SEMA5B: variants seen among roughly 807,000 people sequenced by gnomAD.
The protein encoded by SEMA5B is semaphorin 5B.
Under a neutral mutation model 135.0 loss-of-function variants are expected in SEMA5B, and 66 were observed. That is an observed-to-expected ratio of 0.49 (90% CI 0.40 to 0.60). SEMA5B has a LOEUF of 0.60. SEMA5B is among the 20% of genes least tolerant of loss of function. The probability of loss-of-function intolerance (pLI) is 0.00; values close to 1 mark genes in which losing one functional copy is unlikely to be tolerated. For synonymous variants in SEMA5B, 690 were observed against 639.5 expected, an observed-to-expected ratio of 1.08 and a Z score of -1.19; for missense variants, 1,501 against 1,566.3, an observed-to-expected ratio of 0.96 and a Z score of 0.70.
At position 122,977,866 on chromosome 3, in the gene SEMA5B, C is replaced by T. The variant is rs79386403; in HGVS notation, c.-38-16565G>A. Among the ~76,000 whole-genome samples the T allele has an allele frequency of 4.1e-4, 63 of 152,364 alleles. No homozygotes were observed. The East Asian group carries it at 0.012, about 29-fold the overall frequency. On this transcript the variant is annotated intron_variant, in intron 1 of 22. Coordinates refer to ENST00000357599, the MANE Select transcript of SEMA5B (RefSeq NM_001031702.4). Reference sequence around the variant, plus strand: ...TTTTAGCCATCCCTCCAGATGGTTGCGATCCAAGGGCTCCATGGGCCCACT... The same window carrying T: ...TTTTAGCCATCCCTCCAGATGGTTGTGATCCAAGGGCTCCATGGGCCCACT...
intron 1 of SEMA5B, among the ~76,000 whole-genome samples, chr3:123,019,679 G>A (rs1942634219): frequency 6.6e-6 from 1 of 152,190 alleles, no homozygotes; most frequent in Non-Finnish European, 1.5e-5. Context: ...CCAGGCCGTT[G>A]TATAGTAACA....
chr3:122,960,930 A>G (rs1376276192), intron 2 of SEMA5B, among the ~76,000 whole-genome samples: 1 of 152,238 alleles, frequency 6.6e-6, no homozygotes, highest in Admixed American at 6.5e-5. Context: ...ACCTGATACT[A>G]CTGAACCGTG....
intron 1 of SEMA5B, among the ~76,000 whole-genome samples, chr3:123,002,702 C>T (rs1169306123): frequency 6.6e-6 from 1 of 152,210 alleles, no homozygotes; most frequent in Non-Finnish European, 1.5e-5. Context: ...CACGTCTCAG[C>T]AAACAGTGGG....
At chr3:122,967,484 A>G (rs1940915654) in intron 1 of SEMA5B, among the ~76,000 whole-genome samples, 2 of 152,176 alleles carry the variant, frequency 1.3e-5, no homozygotes, top group African/African-American at 4.8e-5. Context: ...TCACACCTGC[A>G]ACCTTCTCCA....
At chr3:123,016,726 C>T (rs537192726) in intron 1 of SEMA5B, among the ~76,000 whole-genome samples, 6 of 151,744 alleles carry the variant, frequency 4.0e-5, no homozygotes, top group Admixed American at 3.9e-4. Context: ...AGGTGCATAA[C>T]ACCATACCTG....
chr3:122,976,636 T>C (rs1941329173), intron 1 of SEMA5B, among the ~76,000 whole-genome samples: 1 of 152,240 alleles, frequency 6.6e-6, no homozygotes, highest in African/African-American at 2.4e-5. Context: ...ACCAACATTC[T>C]GCTGTATTTC....
Position 122,926,681 on chromosome 3 carries a change from G to A in SEMA5B, c.851-4C>T. The A allele has an allele frequency of 6.2e-7, 1 of 1,609,226 alleles. No individual in the cohort carries two copies. Among genetic ancestry groups the A allele is most frequent in the Non-Finnish European group, 8.5e-7 (1 of 1,175,782 alleles). ...TAGGCTGCCACGAAGTTTGGCTCTG[G>A]GTGGGCAGAAGAGGAACAAGGGGCA... is the stretch of plus-strand genomic sequence containing the variant. On this transcript the variant is annotated splice_region_variant and splice_polypyrimidine_tract_variant and intron_variant, in intron 8 of 22. Transcript: ENST00000357599.
chr3:122,956,015 T>G (rs1310879840), intron 2 of SEMA5B, among the ~76,000 whole-genome samples: 5 of 152,154 alleles, frequency 3.3e-5, no homozygotes, highest in Non-Finnish European at 7.4e-5. Context: ...ATGTCTCCAG[T>G]GAGCACAGAC....
chr3:122,925,641 G>T (rs1938588169), intron 9 of SEMA5B, among the ~76,000 whole-genome samples: 1 of 151,930 alleles, frequency 6.6e-6, no homozygotes, highest in South Asian at 2.1e-4. Context: ...CTGCGCTCCA[G>T]CCTGGGCGAC....
intron 2 of SEMA5B, among the ~76,000 whole-genome samples, chr3:122,955,130 C>T (rs1384735519): frequency 6.6e-6 from 1 of 150,554 alleles, no homozygotes; most frequent in African/African-American, 2.4e-5. Flanking sequence ...TTTTTTTAGA[C>T]CGTGTCTCTA....
At chr3:122,979,182 G>C (rs969200883) in intron 1 of SEMA5B, among the ~76,000 whole-genome samples, 1 of 152,218 alleles carries the variant, frequency 6.6e-6, no homozygotes, top group Admixed American at 6.5e-5. Flanking sequence ...GAGAGAGGAT[G>C]ACCAGAGACA....
At chr3:122,984,283 C>A (rs944029224) in intron 1 of SEMA5B, among the ~76,000 whole-genome samples, 5 of 152,244 alleles carry the variant, frequency 3.3e-5, no homozygotes, top group East Asian at 1.9e-4. Context: ...GTCTGCCTCA[C>A]CTCCCCAATC....
intron 5 of SEMA5B, among the ~76,000 whole-genome samples, chr3:122,935,631 C>T (rs547150893): frequency 1.3e-5 from 2 of 151,400 alleles, no homozygotes; most frequent in Admixed American, 1.3e-4. Context: ...CTGTCCACTG[C>T]ATCCCTTCTG....
chr3:122,954,792 CTTTTT>C (rs34786092), intron 2 of SEMA5B, among the ~76,000 whole-genome samples: 1 of 129,934 alleles, frequency 7.7e-6, no homozygotes, highest in African/African-American at 2.8e-5. Context: ...GGGTGGTCAT[CTTTTT>C]TTTTTTTTTT....
chr3:122,957,945 T>C (rs1006202542), intron 2 of SEMA5B, among the ~76,000 whole-genome samples: 6 of 152,240 alleles, frequency 3.9e-5, no homozygotes, highest in Non-Finnish European at 7.3e-5. Context: ...GCTTCCTTAC[T>C]AGGGAGAGTG....
intron 1 of SEMA5B, among the ~76,000 whole-genome samples, chr3:122,974,398 G>A (rs564291775): frequency 2.6e-5 from 4 of 152,354 alleles, no homozygotes; most frequent in Admixed American, 2.0e-4. Flanking sequence ...GTGCACACTC[G>A]CCTGCGCACA....
intron 1 of SEMA5B, among the ~76,000 whole-genome samples, chr3:122,968,167 T>C (rs1392610625): frequency 6.6e-6 from 1 of 152,188 alleles, no homozygotes; most frequent in Non-Finnish European, 1.5e-5. Flanking sequence ...CCCAGGATGG[T>C]TTAGGCTCAG....
chr3:122,929,706 C>T (rs905094042), intron 5 of SEMA5B, among the ~76,000 whole-genome samples: 6 of 152,148 alleles, frequency 3.9e-5, no homozygotes, highest in African/African-American at 1.4e-4. Flanking sequence ...GCTCTCCTCC[C>T]TCCCACCCCC....
At chr3:122,985,604 G>C (rs550652533) in intron 1 of SEMA5B, among the ~76,000 whole-genome samples, 1 of 152,304 alleles carries the variant, frequency 6.6e-6, no homozygotes, top group East Asian at 1.9e-4. Flanking sequence ...TCTATGAAGA[G>C]GTAAAAGGGG....
Sources: gnomAD v4.1 joint callset for allele counts (sites outside exome capture counted in the v4.1 genomes callset) on GRCh38, gnomAD v4.1.1 for gene constraint, MANE v1.5 for transcripts, NCBI Gene and HGNC (gene_info 2026-07-23, HGNC 2026-07-21) for gene names.